The following NCKAP5 variants were observed in gnomAD, a reference collection of about 807,000 sequenced individuals.
The protein encoded by NCKAP5 is nck-associated protein 5.
In NCKAP5, 92 loss-of-function variants were observed where a neutral mutation model predicts 167.0. The ratio of observed to expected loss-of-function variants is 0.55; its 90% CI spans 0.47 to 0.66. The LOEUF (loss-of-function observed/expected upper bound fraction) is 0.66. Ranked by LOEUF, NCKAP5 falls within the 30% of genes least tolerant of loss-of-function variation. The pLI is 0.00. For synonymous variants in NCKAP5, 891 were observed against 877.4 expected, an observed-to-expected ratio of 1.02 and a Z score of -0.27; for missense variants, 2,378 against 2,315.0, an observed-to-expected ratio of 1.03 and a Z score of -0.56.
intron 8 of NCKAP5, among the ~76,000 whole-genome samples, chr2:132,890,886 G>C (rs536942964): frequency 1.3e-5 from 2 of 152,250 alleles, no homozygotes; most frequent in African/African-American, 4.8e-5. Flanking sequence ...TGTCAATAAA[G>C]ACATTAAGCT....
chr2:133,261,300 T>C (rs1396360352), intron 4 of NCKAP5, among the ~76,000 whole-genome samples: 1 of 152,202 alleles, frequency 6.6e-6, no homozygotes, highest in Admixed American at 6.5e-5. Context: ...CCACCCAAGG[T>C]AGGCTTATCT....
chr2:133,621,828 CA>C, the NCKAP5 span, among the ~76,000 whole-genome samples: 1 of 151,788 alleles, frequency 6.6e-6, no homozygotes, highest in East Asian at 1.9e-4. Context: ...AAGGACATAA[CA>C]AAAAAAGAAA....
At chr2:133,405,716 T>C (rs537055452) in intron 3 of NCKAP5, among the ~76,000 whole-genome samples, 3 of 152,224 alleles carry the variant, frequency 2.0e-5, no homozygotes, top group East Asian at 3.8e-4. Flanking sequence ...TCCTTTGTGT[T>C]TGCTACACTC....
chr2:133,111,468 G>A (rs896821825), intron 6 of NCKAP5, among the ~76,000 whole-genome samples: 5 of 152,206 alleles, frequency 3.3e-5, no homozygotes, highest in African/African-American at 1.2e-4. Flanking sequence ...TGGGGTGAAT[G>A]AGAGTATGCC....
At chr2:132,805,460 T>C (rs2105228596) in intron 11 of NCKAP5, among the ~76,000 whole-genome samples, 1 of 152,328 alleles carries the variant, frequency 6.6e-6, no homozygotes, top group East Asian at 1.9e-4. Context: ...CTAAATACAA[T>C]GTGATATCTG....
intron 3 of NCKAP5, among the ~76,000 whole-genome samples, chr2:133,467,739 G>A (rs986661520): frequency 6.8e-6 from 1 of 146,454 alleles, no homozygotes; most frequent in Admixed American, 6.9e-5. Flanking sequence ...TTAGTCTTGG[G>A]AGAGTGTATG....
At position 132,783,399 on chromosome 2, in the gene NCKAP5, G is replaced by T; in HGVS notation, c.3412C>A (p.His1138Asn). The T allele has an allele frequency of 1.9e-6, 3 of 1,598,436 alleles. No individual in the cohort carries two copies. Among genetic ancestry groups the T allele is most frequent in the Non-Finnish European group, 2.6e-6 (3 of 1,172,648 alleles). The change falls in exon 14 of 20, where the codon CAT (histidine) becomes AAT (asparagine). Residue 1138 changes from histidine (H) to asparagine (N), a missense_variant. Physicochemically the swap from His to Asn is moderately conservative, Grantham distance 68. Coordinates refer to ENST00000409261, the MANE Select transcript of NCKAP5 (RefSeq NM_207363.3). Reference protein sequence around the residue: ...HNSPHGCQSAHEKGLKTRLPV... With the variant: ...HNSPHGCQSANEKGLKTRLPV... The stretch of plus-strand genomic sequence containing the variant: ...AGGCGAGTTTTCAGTCCTTTCTCAT[G>T]AGCACTTTGACAACCATGAGGGCTG...
intron 7 of NCKAP5, among the ~76,000 whole-genome samples, chr2:132,979,218 A>T (rs2077060001): frequency 1.3e-5 from 2 of 152,190 alleles, no homozygotes; most frequent in South Asian, 4.1e-4. Context: ...AGGCACCACT[A>T]ACTAAGGCGA....
At chr2:133,526,311 A>C (rs1292653976) in intron 2 of NCKAP5, among the ~76,000 whole-genome samples, 1 of 51,318 alleles carries the variant, frequency 1.9e-5, no homozygotes, top group African/African-American at 8.0e-5. Flanking sequence ...GAGGGAGGGA[A>C]GGAGGGAGGG....
At chr2:133,030,318 G>T (rs985834575) in intron 6 of NCKAP5, among the ~76,000 whole-genome samples, 1 of 152,156 alleles carries the variant, frequency 6.6e-6, no homozygotes, top group Admixed American at 6.5e-5. Context: ...GCCTGCAAGG[G>T]CTGGGCAAGG....
chr2:133,601,634 G>A, the NCKAP5 span, among the ~76,000 whole-genome samples: 1 of 152,206 alleles, frequency 6.6e-6, no homozygotes, highest in Non-Finnish European at 1.5e-5. Context: ...TCAGGAGGCT[G>A]AAGCTGGAGA....
intron 4 of NCKAP5, among the ~76,000 whole-genome samples, chr2:133,291,758 G>A (rs1384838207): frequency 2.6e-5 from 4 of 152,186 alleles, no homozygotes; most frequent in South Asian, 2.1e-4. Flanking sequence ...TCCAAAAGAC[G>A]TTTGCGTTCC....
chr2:132,768,710 G>T (rs1016228146), intron 16 of NCKAP5, among the ~76,000 whole-genome samples: 3 of 149,560 alleles, frequency 2.0e-5, no homozygotes, highest in African/African-American at 7.4e-5. Flanking sequence ...CGCGATCTCG[G>T]CTCACCACAA....
chr2:133,540,484 A>G (rs1428265693), intron 2 of NCKAP5, among the ~76,000 whole-genome samples: 1 of 152,254 alleles, frequency 6.6e-6, no homozygotes, highest in African/African-American at 2.4e-5. Flanking sequence ...TAGACTTACT[A>G]AAAACACACG....
In NCKAP5 at chr2:132,783,088, A is replaced by G. The variant is rs1683200569; in HGVS notation, c.3723T>C (p.Asp1241=). 1 of 1,613,808 alleles carries G rather than the reference A, an allele frequency of 6.2e-7. No individual in the cohort carries two copies. Among genetic ancestry groups the G allele is most frequent in the Non-Finnish European group, 8.5e-7 (1 of 1,179,836 alleles). ...ATCTATTATCTACCCCATCCCTTCC[A>G]TCACTCCCAGGGATGCTACTTTCCA... The part of the protein sequence containing the change: ...EPLESSIPGS[D]GRDGVDNRSM... Residue 1241 remains aspartate, a synonymous_variant, in exon 14 of 20, where the codon GAT becomes GAC. Coordinates refer to ENST00000409261, the MANE Select transcript of NCKAP5 (RefSeq NM_207363.3).
chr2:132,987,275 T>C (rs554113867), intron 7 of NCKAP5, among the ~76,000 whole-genome samples: 1 of 152,226 alleles, frequency 6.6e-6, no homozygotes, highest in East Asian at 1.9e-4. Flanking sequence ...AAGTCAAAAA[T>C]TTCCTGCCAC....
chr2:132,942,509 G>A (rs1697374994), intron 8 of NCKAP5, among the ~76,000 whole-genome samples: 2 of 152,086 alleles, frequency 1.3e-5, no homozygotes, highest in Non-Finnish European at 2.9e-5. Flanking sequence ...TTTATTTGGT[G>A]TAAACTGTAA....
chr2:133,619,072 G>A, the NCKAP5 span, among the ~76,000 whole-genome samples: 8 of 132,582 alleles, frequency 6.0e-5, no homozygotes, highest in African/African-American at 1.4e-4. Flanking sequence ...ACCAAACACC[G>A]CATATTCTCA....
chr2:132,889,588 A>G (rs1692523254), intron 8 of NCKAP5, among the ~76,000 whole-genome samples: 1 of 152,194 alleles, frequency 6.6e-6, no homozygotes, highest in East Asian at 1.9e-4. Context: ...GAAAGAGGTG[A>G]CCGACCCTTG....
Sources: allele counts gnomAD v4.1 joint callset (sites outside exome capture counted in the v4.1 genomes callset), GRCh38; gene constraint gnomAD v4.1.1; transcripts MANE v1.5; gene names NCBI Gene and HGNC (gene_info 2026-07-23, HGNC 2026-07-21).